The following RUNDC1 variants were observed in gnomAD, a reference collection of about 807,000 sequenced individuals.
RUNDC1 encodes RUN domain containing 1.
Under a neutral mutation model 49.3 loss-of-function variants are expected in RUNDC1, and 31 were observed. The ratio of observed to expected loss-of-function variants is 0.63; its 90% CI spans 0.47 to 0.85. The LOEUF is 0.85. Among genes scored for constraint, RUNDC1 ranks in the 40% least tolerant of loss-of-function variants. The pLI is 0.00. For missense variants in RUNDC1, 715 were observed against 806.7 expected (o/e 0.89, Z 1.38); for synonymous variants, 347 against 348.6 (o/e 1.00, Z 0.05).
chr17:42,984,889 C>CTTTTTTTTTTTTTT (rs56228523), intron 1 of RUNDC1, among the ~76,000 whole-genome samples: 15 of 65,318 alleles, frequency 2.3e-4, no homozygotes, highest in African/African-American at 5.4e-4. Flanking sequence ...TTCTTTCTTT[C>CTTTTTTTTTTTTTT]TTTTTTTTTT....
chr17:42,981,349 C>A, intron 1 of RUNDC1: 1 of 477,340 alleles, frequency 2.1e-6, no homozygotes, highest in Non-Finnish European at 3.7e-6. Flanking sequence ...CGAAGTGAGT[C>A]GTTGAGAGGG....
In RUNDC1 at chr17:42,990,843, C is replaced by T; in HGVS notation, c.977-8C>T. On this transcript the variant is annotated splice_polypyrimidine_tract_variant and splice_region_variant and intron_variant, in intron 4 of 4. Transcript: ENST00000361677. Reference sequence around the variant, plus strand: ...TCTCACTGATGAGCCACTGTCTTTTCTAAGCAGCAAAGGCAGAGGATGTGA... The same window carrying T: ...TCTCACTGATGAGCCACTGTCTTTTTTAAGCAGCAAAGGCAGAGGATGTGA... 3 of 1,575,762 alleles carry T rather than the reference C, an allele frequency of 1.9e-6. No individual in the cohort carries two copies. The highest frequency in any genetic ancestry group is 1.7e-4 in the Middle Eastern group (1 of 5,886).
At position 42,991,426 on chromosome 17, in the gene RUNDC1, A is replaced by G. The variant is rs2050240761; in HGVS notation, c.1552A>G (p.Thr518Ala). The change falls in exon 5 of 5, where the codon ACA (threonine) becomes GCA (alanine). Residue 518 changes from threonine (T) to alanine (A), a missense_variant. This residue lies in a region of RUNDC1 where 425 missense variants were observed against 499.7 expected (regional missense o/e 0.85). Transcript: ENST00000361677. ...TVVTPKQSLLTAIHMVLTEHD... is the reference protein window; with the variant it reads ...TVVTPKQSLLAAIHMVLTEHD... ...TGTCACCCCCAAACAGAGCCTACTG[A>G]CAGCCATCCACATGGTGCTGACAGA... 1 of 1,614,192 alleles carries G rather than the reference A, an allele frequency of 6.2e-7. No homozygotes were observed. Among genetic ancestry groups the G allele is most frequent in the African/African-American group, 1.3e-5 (1 of 75,040 alleles).
In RUNDC1 at chr17:42,980,614, T is replaced by G; in HGVS notation, c.38T>G (p.Val13Gly). The G allele has an allele frequency of 6.2e-7, 1 of 1,608,770 alleles. No homozygotes were observed. The highest frequency in any genetic ancestry group is 8.5e-7 in the Non-Finnish European group (1 of 1,179,050). Residue 13 changes from valine (V) to glycine (G), a missense_variant, in exon 1 of 5, where the codon GTG becomes GGG. Physicochemically the swap from Val to Gly is moderately radical, Grantham distance 109 (BLOSUM62 -3). Around this residue, in one of 5 missense-constraint regions of RUNDC1, gnomAD observed 153 missense variants for 139.4 expected, o/e 1.10. Coordinates refer to ENST00000361677, the MANE Select transcript of RUNDC1 (RefSeq NM_173079.5). ...GAAGCGGCTGCAGAGCCGGTAACGG[T>G]GGTGGCGGCTGTTGGGCCAAAGGCG... ...AVEAAAEPVT[V>G]VAAVGPKAKD...
chr17:42,988,958 C>CT (rs1276414110), intron 2 of RUNDC1, among the ~76,000 whole-genome samples: 1 of 152,150 alleles, frequency 6.6e-6, no homozygotes, highest in African/African-American at 2.4e-5. Flanking sequence ...GCCTGGGTGA[C>CT]TGAGCAAGAC....
rs990232377 is a variant in RUNDC1, at chr17:42,992,822, C to A, written c.*1106C>A. 2 of 152,080 alleles carry A rather than the reference C, an allele frequency of 1.3e-5. No individual in the cohort carries two copies. Among genetic ancestry groups the A allele is most frequent in the African/African-American group, 4.8e-5 (2 of 41,416 alleles). The allele number at this position is 152,080 out of a possible 1,614,324, so 9.4% of individuals were successfully genotyped here. A position where few individuals can be genotyped will look rare whatever the true frequency, so the allele number is the denominator to read the frequency against. ...CCACAGGTCGATTTTAATACGAGTC[C>A]TTTTTCTTGTAGAGGTAAGTAAAAT... is the stretch of plus-strand genomic sequence containing the variant. On this transcript the variant is annotated 3_prime_UTR_variant, in exon 5 of 5. Transcript: ENST00000361677.
intron 1 of RUNDC1, among the ~76,000 whole-genome samples, chr17:42,986,187 TTGTG>T (rs2050169049): frequency 6.6e-6 from 1 of 151,924 alleles, no homozygotes; most frequent in African/African-American, 2.4e-5. Flanking sequence ...AGACAGGGTC[TTGTG>T]AAGCCTTGAC....
chr17:42,987,544 A>G, intron 2 of RUNDC1, 130 bp downstream of exon 2: 4 of 826,150 alleles, frequency 4.8e-6, no homozygotes, highest in Non-Finnish European at 7.5e-6. Context: ...GGCCCAAATC[A>G]AAGGGAAATT....
In RUNDC1 at chr17:42,992,832, T is replaced by C. The variant is rs1408321135; in HGVS notation, c.*1116T>C. On this transcript the variant is annotated 3_prime_UTR_variant, in exon 5 of 5. Coordinates refer to ENST00000361677, the MANE Select transcript of RUNDC1 (RefSeq NM_173079.5). Reference sequence around the variant, plus strand: ...ATTTTAATACGAGTCCTTTTTCTTGTAGAGGTAAGTAAAATCTTCCTGACA... The same window carrying C: ...ATTTTAATACGAGTCCTTTTTCTTGCAGAGGTAAGTAAAATCTTCCTGACA... 6.6e-6 allele frequency: 1 copy of C among 152,204 alleles called. No individual in the cohort carries two copies. The highest frequency in any genetic ancestry group is 6.6e-5 in the Admixed American group (1 of 15,264). 9.4% of individuals were successfully genotyped at this position (152,204 alleles called of 1,614,324 possible).
chr17:42,981,048 C>A lies in RUNDC1; in HGVS notation c.472C>A (p.Arg158=), dbSNP rs748202071. The change falls in exon 1 of 5, where the codon CGG becomes AGG. Residue 158 remains arginine, a synonymous_variant. Coordinates refer to ENST00000361677, the MANE Select transcript of RUNDC1 (RefSeq NM_173079.5). ...SDEGDGLPGD[R]PWLRGEDQSE... ...TGAGGGCGATGGGCTGCCAGGGGAC[C>A]GGCCATGGTTGCGGGGCGAGGACCA... The A allele has an allele frequency of 6.9e-5, 107 of 1,559,656 alleles. No individual in the cohort carries two copies. The highest frequency in any genetic ancestry group is 8.8e-5 in the Non-Finnish European group (102 of 1,160,448).
chr17:42,989,648 C>T (rs551617961), intron 3 of RUNDC1, 109 bp downstream of exon 3: 32 of 1,020,718 alleles, frequency 3.1e-5, no homozygotes, highest in South Asian at 4.4e-5. Flanking sequence ...CTTTTTTGGG[C>T]GGTGGGGACA....
In RUNDC1 at chr17:42,992,805, C is replaced by A. The variant is rs1223657484; in HGVS notation, c.*1089C>A. 6.6e-6 allele frequency: 1 copy of A among 152,074 alleles called. No homozygotes were observed. The highest frequency in any genetic ancestry group is 6.6e-5 in the Admixed American group (1 of 15,262). The allele number at this position is 152,074 out of a possible 1,614,324, so 9.4% of individuals were successfully genotyped here. A position where few individuals can be genotyped will look rare whatever the true frequency, so the allele number is the denominator to read the frequency against. On this transcript the variant is annotated 3_prime_UTR_variant, in exon 5 of 5. Coordinates refer to ENST00000361677, the MANE Select transcript of RUNDC1 (RefSeq NM_173079.5). ...ATTTCTAAGGGTGGTAACCACAGGT[C>A]GATTTTAATACGAGTCCTTTTTCTT...
chr17:42,981,049 G>C lies in RUNDC1; in HGVS notation c.473G>C (p.Arg158Pro), dbSNP rs2050075518. The C allele has an allele frequency of 6.4e-7, 1 of 1,561,174 alleles. No homozygotes were observed. The highest frequency in any genetic ancestry group is 1.8e-5 in the Admixed American group (1 of 55,168). ...SDEGDGLPGDRPWLRGEDQSE... is the reference protein window; with the variant it reads ...SDEGDGLPGDPPWLRGEDQSE... ...GAGGGCGATGGGCTGCCAGGGGACC[G>C]GCCATGGTTGCGGGGCGAGGACCAG... Residue 158 changes from arginine to proline, a missense_variant, in exon 1 of 5, where the codon CGG becomes CCG. Physicochemically the swap from Arg to Pro is moderately radical, Grantham distance 103. Coordinates refer to ENST00000361677, the MANE Select transcript of RUNDC1 (RefSeq NM_173079.5).
At chr17:42,981,231 C>G (rs190914413) in intron 1 of RUNDC1, 157 bp downstream of exon 1, 4 of 947,200 alleles carry the variant, frequency 4.2e-6, no homozygotes, top group Admixed American at 3.2e-5. Context: ...GCGGGGCCGG[C>G]TGAAGGGCAA....
chr17:42,983,905 C>T (rs1319220056), intron 1 of RUNDC1, among the ~76,000 whole-genome samples: 1 of 151,834 alleles, frequency 6.6e-6, no homozygotes. Context: ...CTCCTGGCCT[C>T]GAACGCCTGA....
chr17:42,986,143 T>C (rs2050168133), intron 1 of RUNDC1, among the ~76,000 whole-genome samples: 1 of 145,068 alleles, frequency 6.9e-6, no homozygotes, highest in Admixed American at 7.4e-5. Flanking sequence ...GGGACCACCA[T>C]GCCACCACGC....
intron 1 of RUNDC1, among the ~76,000 whole-genome samples, chr17:42,987,045 G>A (rs559602936): frequency 6.6e-6 from 1 of 152,300 alleles, no homozygotes; most frequent in Admixed American, 6.5e-5. Flanking sequence ...ATGAGGGACA[G>A]ATAGTTTCTT....
Position 42,980,867 on chromosome 17 carries a change from G to A in RUNDC1, c.291G>A (p.Leu97=). The change falls in exon 1 of 5, where the codon CTG becomes CTA. Residue 97 remains leucine (L), a synonymous_variant. Transcript: ENST00000361677. ...RRRLDSALLA[L]SSHFAQVQFR... is the part of the protein sequence containing the mutation. ...GGCTGGACTCGGCGCTGCTGGCGCT[G>A]TCCTCGCACTTCGCGCAGGTGCAGT... 13 of 1,487,074 alleles carry A rather than the reference G, an allele frequency of 8.7e-6. No individual in the cohort carries two copies. Among genetic ancestry groups the A allele is most frequent in the African/African-American group, 1.4e-5 (1 of 68,980 alleles). 92.1% of individuals were successfully genotyped at this position (1,487,074 alleles called of 1,614,324 possible).
rs1266940698 is a variant in RUNDC1 at position 42,987,312 on chromosome 17, G to C, written c.555G>C (p.Leu185=). Residue 185 remains leucine, a synonymous_variant, in exon 2 of 5, where the codon CTG becomes CTC. Transcript: ENST00000361677. ...CCCAAAGGGAGAAGCAGAAAGAACT[G>C]ATACTGCAGCTCAAGACCCAGCTAG... The part of the protein sequence containing the change: ...LETQREKQKE[L]ILQLKTQLDD... 6.2e-7 allele frequency: 1 copy of C among 1,614,038 alleles called. No homozygotes were observed. Among genetic ancestry groups the C allele is most frequent in the Non-Finnish European group, 8.5e-7 (1 of 1,179,928 alleles).
Sources: allele counts gnomAD v4.1 joint callset (sites outside exome capture counted in the v4.1 genomes callset), GRCh38; gene constraint gnomAD v4.1.1; regional missense constraint gnomAD v4.1.1; transcripts MANE v1.5; gene names NCBI Gene and HGNC (gene_info 2026-07-23, HGNC 2026-07-21).